Variants in LRRC58 observed in about 807,000 individuals in gnomAD.
The protein encoded by LRRC58 is leucine rich repeat containing 58.
Under a neutral mutation model 30.6 loss-of-function variants are expected in LRRC58, and 18 were observed. The observed-to-expected ratio is 0.59, with a 90% CI of 0.41 to 0.87. The LOEUF (loss-of-function observed/expected upper bound fraction) is 0.87. Among genes scored for constraint, LRRC58 ranks in the 40% least tolerant of loss-of-function variants. The pLI is 0.00. For synonymous variants in LRRC58, 221 were observed against 206.0 expected (o/e 1.07, Z -0.62); for missense variants, 420 against 468.4 (o/e 0.90, Z 0.95).
At position 120,331,422 on chromosome 3, in the gene LRRC58, G is replaced by C. The variant is rs755236722; in HGVS notation, c.908-14C>G. 3 of 1,586,928 alleles carry C rather than the reference G, an allele frequency of 1.9e-6. No individual in the cohort carries two copies. The African/African-American group carries it at 4.0e-5, about 21-fold the overall frequency. On this transcript the variant is annotated splice_polypyrimidine_tract_variant and intron_variant, in intron 3 of 3. Transcript: ENST00000295628. ...CAAAGTAGACTCCTAAAGAGAAGAA[G>C]GAATAGAAAGTAATCATTACAAAGC...
In LRRC58 at chr3:120,327,700, A is replaced by C. The variant is rs991622967; in HGVS notation, c.*3500T>G. ...TTACTTTAATTTACACAAACACAAA[A>C]ACTGCTCAAATTTGAGGTACAATTT... is the stretch of plus-strand genomic sequence containing the variant. On this transcript the variant is annotated 3_prime_UTR_variant, in exon 4 of 4. Transcript: ENST00000295628. 1 of 152,180 alleles carries C rather than the reference A, an allele frequency of 6.6e-6. No homozygotes were observed. Among genetic ancestry groups the C allele is most frequent in the Non-Finnish European group, 1.5e-5 (1 of 68,032 alleles). 9.4% of individuals were successfully genotyped at this position (152,180 alleles called of 1,614,324 possible). A position where few individuals can be genotyped will look rare whatever the true frequency, so the allele number is the denominator to read the frequency against.
chr3:120,329,516 A>C lies in LRRC58; in HGVS notation c.*1684T>G, dbSNP rs1325892314. 6.6e-6 allele frequency: 1 copy of C among 152,106 alleles called. No homozygotes were observed. Among genetic ancestry groups the C allele is most frequent in the Non-Finnish European group, 1.5e-5 (1 of 67,942 alleles). The allele number at this position is 152,106 out of a possible 1,614,324, so 9.4% of individuals were successfully genotyped here. ...AGGTAAAGGTGAAGGGATTCATTCT[A>C]TAGCAGCGTTTCACATCTGCAGTTC... is the stretch of plus-strand genomic sequence containing the variant. On this transcript the variant is annotated 3_prime_UTR_variant, in exon 4 of 4. Coordinates refer to ENST00000295628, the MANE Select transcript of LRRC58 (RefSeq NM_001099678.2).
chr3:120,343,760 TG>T (rs1559995703), intron 1 of LRRC58, among the ~76,000 whole-genome samples: 1 of 152,166 alleles, frequency 6.6e-6, no homozygotes, highest in African/African-American at 2.4e-5. Context: ...CTGGGCACAG[TG>T]GTTCACGTCT....
chr3:120,340,427 T>G (rs1320041385), intron 1 of LRRC58, among the ~76,000 whole-genome samples: 1 of 152,174 alleles, frequency 6.6e-6, no homozygotes, highest in Admixed American at 6.5e-5. Context: ...CTGATGAAGT[T>G]CCTTCCTTTA....
At chr3:120,348,705 G>T in intron 1 of LRRC58, 39 bp downstream of exon 1, 1 of 1,498,796 alleles carries the variant, frequency 6.7e-7, no homozygotes, top group Admixed American at 2.2e-5. Context: ...CCCGGACACC[G>T]CCCGAGGCCT....
At position 120,335,050 on chromosome 3, in the gene LRRC58, A is replaced by T. The variant is rs1334022159; in HGVS notation, c.719T>A (p.Leu240Ter). The change falls in exon 3 of 4, where the codon TTG (leucine) becomes TAG (stop). Residue 240 changes from leucine (L) to a stop codon, truncating the protein, a stop_gained. Coordinates refer to ENST00000295628, the MANE Select transcript of LRRC58 (RefSeq NM_001099678.2). LOFTEE classifies it high-confidence loss of function. Reference protein sequence around the residue: ...EILNLIHLEELSLRGNPLVVR... With the variant: ...EILNLIHLEE ...AACCAATGGATTTCCTCGTAAACTCAACTCTTCCAAATGAATAAGGTTGAG... is the reference window on the plus strand; with the variant it reads ...AACCAATGGATTTCCTCGTAAACTCTACTCTTCCAAATGAATAAGGTTGAG... 6.2e-7 allele frequency: 1 copy of T among 1,614,024 alleles called. No homozygotes were observed. Among genetic ancestry groups the T allele is most frequent in the South Asian group, 1.1e-5 (1 of 91,084 alleles).
At chr3:120,348,651 T>C in intron 1 of LRRC58, 93 bp downstream of exon 1, 3 of 1,370,464 alleles carry the variant, frequency 2.2e-6, no homozygotes, top group Non-Finnish European at 2.9e-6. Context: ...TGGAAATAGT[T>C]ACGTGACAAA....
In LRRC58 at chr3:120,330,042, TC is replaced by T. The variant is rs1470219655; in HGVS notation, c.*1157del. 2 of 152,096 alleles carry T rather than the reference TC, an allele frequency of 1.3e-5. No individual in the cohort carries two copies. The highest frequency in any genetic ancestry group is 2.4e-5 in the African/African-American group (1 of 41,456). The allele number at this position is 152,096 out of a possible 1,614,324, so 9.4% of individuals were successfully genotyped here. A position where few individuals can be genotyped will look rare whatever the true frequency, so the allele number is the denominator to read the frequency against. ...TAGTTAAAGTAGTTCTGGAAACTGT[TC>T]CATTAGGTATAAGGACAATGACTCC... is the stretch of plus-strand genomic sequence containing the variant. On this transcript the variant is annotated 3_prime_UTR_variant, in exon 4 of 4. Transcript: ENST00000295628.
intron 1 of LRRC58, among the ~76,000 whole-genome samples, chr3:120,339,818 C>T (rs1034629210): frequency 2.0e-5 from 3 of 151,886 alleles, no homozygotes; most frequent in Admixed American, 6.6e-5. Context: ...CATTGTTTTT[C>T]TTTCATTGTC....
intron 3 of LRRC58, among the ~76,000 whole-genome samples, chr3:120,334,552 A>G (rs1352538652): frequency 6.6e-6 from 1 of 152,104 alleles, no homozygotes; most frequent in African/African-American, 2.4e-5. Flanking sequence ...AAAGGTGTCC[A>G]AACATTTTAG....
At position 120,346,983 on chromosome 3, in the gene LRRC58, T is replaced by G. The variant is rs117596043; in HGVS notation, c.500+1761A>C. Among the ~76,000 whole-genome samples, 13 of 152,340 alleles carry G rather than the reference T, an allele frequency of 8.5e-5. No homozygotes were observed. In the East Asian group the frequency reaches 2.5e-3, roughly 29 times the overall value. On this transcript the variant is annotated intron_variant, in intron 1 of 3. Transcript: ENST00000295628. ...AATTTATATTTGCCACTTTCCCTCT[T>G]GCTCACTTCCCAGTACAATGTCCTT...
chr3:120,337,030 G>A (rs1046977955), intron 1 of LRRC58, among the ~76,000 whole-genome samples: 10 of 151,918 alleles, frequency 6.6e-5, no homozygotes, highest in Admixed American at 1.3e-4. Context: ...GCCTACTAAA[G>A]GGTTACCCAA....
intron 1 of LRRC58, among the ~76,000 whole-genome samples, chr3:120,347,176 C>T (rs2107628445): frequency 6.6e-6 from 1 of 152,174 alleles, no homozygotes; most frequent in African/African-American, 2.4e-5. Context: ...TCATGTTCAC[C>T]ATTGTATCCC....
chr3:120,340,481 A>G (rs1254954732), intron 1 of LRRC58, among the ~76,000 whole-genome samples: 1 of 152,114 alleles, frequency 6.6e-6, no homozygotes, highest in Non-Finnish European at 1.5e-5. Flanking sequence ...CTTATTACAG[A>G]TATTTTCTCA....
Position 120,349,079 on chromosome 3 carries a change from A to G in LRRC58, c.165T>C (p.Arg55=). ...CCAGCGCCCGTGGCAGCGACACCAGACGGTTGTGAGGCAGCAGCAGCCGCA... is the reference window on the plus strand; with the variant it reads ...CCAGCGCCCGTGGCAGCGACACCAGGCGGTTGTGAGGCAGCAGCAGCCGCA... ...ALLRLLLPHN[R]LVSLPRALGS... is the part of the protein sequence containing the mutation. The change falls in exon 1 of 4, where the codon CGT becomes CGC. Residue 55 remains arginine (R), a synonymous_variant. Coordinates refer to ENST00000295628, the MANE Select transcript of LRRC58 (RefSeq NM_001099678.2). 1 of 1,517,812 alleles carries G rather than the reference A, an allele frequency of 6.6e-7. No individual in the cohort carries two copies. The highest frequency in any genetic ancestry group is 1.2e-5 in the South Asian group (1 of 81,724). 94.0% of individuals were successfully genotyped at this position (1,517,812 alleles called of 1,614,324 possible).
At position 120,348,822 on chromosome 3, in the gene LRRC58, T is replaced by A. The variant is rs762839877; in HGVS notation, c.422A>T (p.Glu141Val). The change falls in exon 1 of 4, where the codon GAG becomes GTG. Residue 141 changes from glutamate (E) to valine (V), a missense_variant. Transcript: ENST00000295628. ...CFQEVPASLLELRALQTLSLG... is the reference protein window; with the variant it reads ...CFQEVPASLLVLRALQTLSLG... ...GCTCAGGGTCTGCAGCGCGCGCAGC[T>A]CTAAGAGCGAGGCAGGCACCTCCTG... The A allele has an allele frequency of 3.7e-6, 6 of 1,607,310 alleles. No individual in the cohort carries two copies. In the Admixed American group the frequency reaches 5.1e-5, roughly 14 times the overall value.
Position 120,327,667 on chromosome 3 carries a change from A to G in LRRC58, c.*3533T>C, listed in dbSNP as rs539453607. 13 of 152,152 alleles carry G rather than the reference A, an allele frequency of 8.5e-5. No individual in the cohort carries two copies. The highest frequency in any genetic ancestry group is 2.4e-4 in the African/African-American group (10 of 41,426). The allele number at this position is 152,152 out of a possible 1,614,324, so 9.4% of individuals were successfully genotyped here. On this transcript the variant is annotated 3_prime_UTR_variant, in exon 4 of 4. Coordinates refer to ENST00000295628, the MANE Select transcript of LRRC58 (RefSeq NM_001099678.2). ...GCAGTATTACAAAACATTATTGTGG[A>G]CTGCTTTTTACTTTAATTTACACAA...
chr3:120,337,561 T>C (rs1935851048), intron 1 of LRRC58, among the ~76,000 whole-genome samples: 1 of 152,180 alleles, frequency 6.6e-6, no homozygotes, highest in Non-Finnish European at 1.5e-5. Context: ...GCCTCAAGCA[T>C]GGTCTATTTT....
Position 120,347,379 on chromosome 3 carries a change from C to CTTTTTTTTTTTTTTTTTTT in LRRC58, c.500+1346_500+1364dup, listed in dbSNP as rs796116731. The stretch of plus-strand genomic sequence containing the variant: ...AGTTCTTTTTTCCCAGGCCAATATT[C>CTTTTTTTTTTTTTTTTTTT]TTTTTTTTTTTTTTTTTTTTTTTGA... On this transcript the variant is annotated intron_variant, in intron 1 of 3. Coordinates refer to ENST00000295628, the MANE Select transcript of LRRC58 (RefSeq NM_001099678.2). Among the ~76,000 whole-genome samples, 387 of 54,824 alleles carry CTTTTTTTTTTTTTTTTTTT rather than the reference C, an allele frequency of 7.1e-3. 75 individuals carry two copies. The highest frequency in any genetic ancestry group is 9.8e-3 in the Non-Finnish European group (282 of 28,754). The allele number at this position is 54,824 out of a possible 152,430, so 36.0% of individuals were successfully genotyped here.
Sources: allele counts gnomAD v4.1 joint callset (sites outside exome capture counted in the v4.1 genomes callset), GRCh38; gene constraint gnomAD v4.1.1; transcripts MANE v1.5; gene names NCBI Gene and HGNC (gene_info 2026-07-23, HGNC 2026-07-21).